EXOC6: variants seen among roughly 807,000 people sequenced by gnomAD.
EXOC6 encodes the protein exocyst complex component 6.
In EXOC6, 60 loss-of-function variants were observed where a neutral mutation model predicts 112.5. The ratio of observed to expected loss-of-function variants is 0.53; its 90% CI spans 0.43 to 0.66. The LOEUF (loss-of-function observed/expected upper bound fraction) is 0.66, where lower values mean the gene tolerates loss of function less well. EXOC6 is among the 30% of genes least tolerant of loss of function. The pLI is 0.00. For missense variants in EXOC6, 855 were observed against 957.1 expected (o/e 0.89, Z 1.41); for synonymous variants, 295 against 308.0 (o/e 0.96, Z 0.44).
intron 18 of EXOC6, chr10:92,987,602 T>A (rs1223919454): frequency 1.0e-6 from 1 of 984,774 alleles, no homozygotes; most frequent in Non-Finnish European, 1.2e-6. Context: ...CCTTGCTGAC[T>A]TCCTTCTCAG....
chr10:92,889,701 G>A (rs1849399545), intron 1 of EXOC6, among the ~76,000 whole-genome samples: 1 of 151,498 alleles, frequency 6.6e-6, no homozygotes, highest in Non-Finnish European at 1.5e-5. Flanking sequence ...TAACTTTATA[G>A]TAAATCTTGG....
intron 8 of EXOC6, among the ~76,000 whole-genome samples, chr10:92,926,601 A>T (rs1191969091): frequency 1.3e-5 from 2 of 152,014 alleles, no homozygotes; most frequent in African/African-American, 4.8e-5. Context: ...TGGTATGATC[A>T]TACCTCACTG....
At chr10:92,968,259 A>G (rs1036070385) in intron 17 of EXOC6, among the ~76,000 whole-genome samples, 1 of 147,012 alleles carries the variant, frequency 6.8e-6, no homozygotes, top group Non-Finnish European at 1.5e-5. Flanking sequence ...ATCGTAGCTT[A>G]CTGCAGCCTC....
At chr10:92,890,041 A>T (rs1849419973) in intron 1 of EXOC6, among the ~76,000 whole-genome samples, 1 of 152,200 alleles carries the variant, frequency 6.6e-6, no homozygotes, top group East Asian at 1.9e-4. Context: ...ATTGCCTTGA[A>T]TCTATAGATG....
intron 19 of EXOC6, among the ~76,000 whole-genome samples, chr10:93,011,973 C>G (rs913363910): frequency 6.6e-6 from 1 of 151,948 alleles, no homozygotes; most frequent in Non-Finnish European, 1.5e-5. Flanking sequence ...TTTTGGTTTT[C>G]TAGAAAAAAG....
At chr10:92,859,621 G>A (rs770606610) in intron 1 of EXOC6, among the ~76,000 whole-genome samples, 1 of 152,184 alleles carries the variant, frequency 6.6e-6, no homozygotes, top group Non-Finnish European at 1.5e-5. Context: ...AAATAGGATA[G>A]GCAGAGATCA....
intron 20 of EXOC6, among the ~76,000 whole-genome samples, chr10:93,020,761 G>T (rs1315602335): frequency 1.3e-5 from 2 of 151,938 alleles, no homozygotes; most frequent in Non-Finnish European, 2.9e-5. Flanking sequence ...TTTTAGACAG[G>T]GAAATGTTGG....
intron 20 of EXOC6, among the ~76,000 whole-genome samples, chr10:93,053,764 A>C (rs770386081): frequency 6.6e-5 from 10 of 152,210 alleles, no homozygotes; most frequent in Non-Finnish European, 1.2e-4. Context: ...GAGTGGTTAG[A>C]CTGTGCTAGA....
At chr10:92,843,190 G>A (rs895757884) in intron 1 of EXOC6, among the ~76,000 whole-genome samples, 3 of 152,158 alleles carry the variant, frequency 2.0e-5, no homozygotes, top group African/African-American at 7.2e-5. Context: ...TGGAACAGCC[G>A]ATTCCTGCAC....
intron 8 of EXOC6, among the ~76,000 whole-genome samples, chr10:92,921,519 G>A (rs750943820): frequency 1.3e-5 from 2 of 151,790 alleles, no homozygotes; most frequent in Non-Finnish European, 2.9e-5. Context: ...AAGTGCTGGG[G>A]TTACAGGTGT....
chr10:92,877,448 C>T (rs1848730215), intron 1 of EXOC6, among the ~76,000 whole-genome samples: 1 of 152,130 alleles, frequency 6.6e-6, no homozygotes, highest in African/African-American at 2.4e-5. Flanking sequence ...GATATAAAAC[C>T]AGTTGTCCTT....
chr10:92,856,142 G>T (rs1334663039), intron 1 of EXOC6, among the ~76,000 whole-genome samples: 1 of 151,978 alleles, frequency 6.6e-6, no homozygotes, highest in African/African-American at 2.4e-5. Context: ...GGGATTACAG[G>T]CATGAGCCAC....
At chr10:93,048,555 T>G (rs1846115149) in intron 20 of EXOC6, among the ~76,000 whole-genome samples, 1 of 151,894 alleles carries the variant, frequency 6.6e-6, no homozygotes, top group South Asian at 2.1e-4. Flanking sequence ...ACCTGCACAT[T>G]GTGCACATGT....
At chr10:92,930,798 T>C (rs1851983595) in intron 9 of EXOC6, among the ~76,000 whole-genome samples, 1 of 152,014 alleles carries the variant, frequency 6.6e-6, no homozygotes, top group Non-Finnish European at 1.5e-5. Context: ...CATCAAAATC[T>C]AAAACTTCTG....
chr10:92,877,366 C>G (rs534645011), intron 1 of EXOC6, among the ~76,000 whole-genome samples: 12 of 152,042 alleles, frequency 7.9e-5, no homozygotes, highest in Non-Finnish European at 1.5e-4. Flanking sequence ...TGGCTCTGGC[C>G]TTTTAGAAGC....
At chr10:92,946,587 T>C (rs1459900104) in intron 13 of EXOC6, among the ~76,000 whole-genome samples, 1 of 152,128 alleles carries the variant, frequency 6.6e-6, no homozygotes, top group Non-Finnish European at 1.5e-5. Context: ...CCTATGACAT[T>C]CCCTTTCCTA....
chr10:92,829,992 C>T (rs1846447283), upstream of EXOC6, among the ~76,000 whole-genome samples: 1 of 152,170 alleles, frequency 6.6e-6, no homozygotes, highest in Admixed American at 6.5e-5. Context: ...TGGGAATCAC[C>T]CACCCCTTTC....
chr10:92,944,740 C>T (rs1852873417), intron 13 of EXOC6, among the ~76,000 whole-genome samples: 1 of 151,796 alleles, frequency 6.6e-6, no homozygotes, highest in Non-Finnish European at 1.5e-5. Context: ...AGATAATGGC[C>T]ATTCTCACAG....
intron 4 of EXOC6, among the ~76,000 whole-genome samples, chr10:92,896,704 C>T (rs142993784): frequency 1.6e-3 from 241 of 151,898 alleles, no homozygotes; most frequent in African/African-American, 3.1e-3. Context: ...TACAAGCATG[C>T]GCCACCATGC....
Sources: allele counts gnomAD v4.1 joint callset (sites outside exome capture counted in the v4.1 genomes callset), GRCh38; gene constraint gnomAD v4.1.1; transcripts MANE v1.5; gene names NCBI Gene and HGNC (gene_info 2026-07-23, HGNC 2026-07-21).